The following PLCB4 variants were observed in gnomAD, a reference collection of about 807,000 sequenced individuals.
PLCB4 encodes 1-phosphatidylinositol 4,5-bisphosphate phosphodiesterase beta-4.
PLCB4 carries 77 observed loss-of-function variants against 178.8 expected under a neutral mutation model. The ratio of observed to expected loss-of-function variants is 0.43; its 90% CI spans 0.36 to 0.52. The LOEUF (loss-of-function observed/expected upper bound fraction) is 0.52, where lower values mean the gene tolerates loss of function less well. Among genes scored for constraint, PLCB4 ranks in the 20% least tolerant of loss-of-function variants. PLCB4 has a pLI of 0.00. For missense variants in PLCB4, 1,024 were observed against 1,453.4 expected, an observed-to-expected ratio of 0.70 and a Z score of 4.80; for synonymous variants, 496 against 490.8, an observed-to-expected ratio of 1.01 and a Z score of -0.14.
intron 2 of PLCB4, among the ~76,000 whole-genome samples, chr20:9,178,525 T>C (rs1040709577): frequency 6.6e-6 from 1 of 151,814 alleles, no homozygotes; most frequent in Non-Finnish European, 1.5e-5. Context: ...TATTCATAGA[T>C]GTATGGATTA....
intron 30 of PLCB4, among the ~76,000 whole-genome samples, chr20:9,437,539 A>C (rs1210221702): frequency 1.3e-5 from 2 of 152,226 alleles, no homozygotes; most frequent in African/African-American, 4.8e-5. Flanking sequence ...CACGTGTCTC[A>C]TATTCAGCCA....
Position 9,480,377 on chromosome 20 carries a change from G to A in PLCB4, c.*1368G>A, listed in dbSNP as rs2044802639. On this transcript the variant is annotated 3_prime_UTR_variant, in exon 40 of 40. Transcript: ENST00000378473. ...ATTGTTGTATATGCTTGTAAAAATT[G>A]ATTCTGTGTGTTCCTCTGAACAAAG... 6.6e-6 allele frequency: 1 copy of A among 152,592 alleles called. No individual in the cohort carries two copies. The highest frequency in any genetic ancestry group is 2.1e-4 in the South Asian group (1 of 4,826). 9.5% of individuals were successfully genotyped at this position (152,592 alleles called of 1,614,324 possible).
chr20:9,293,467 CAGAA>C (rs1292124822), intron 3 of PLCB4, among the ~76,000 whole-genome samples: 4 of 144,774 alleles, frequency 2.8e-5, no homozygotes, highest in African/African-American at 1.0e-4. Context: ...GAGACTCTGT[CAGAA>C]AGAGAGAAAG....
At chr20:9,128,357 C>T (rs1438061199) in intron 2 of PLCB4, among the ~76,000 whole-genome samples, 1 of 152,108 alleles carries the variant, frequency 6.6e-6, no homozygotes, top group African/African-American at 2.4e-5. Context: ...TATAAATTAC[C>T]CAACTTCAGG....
At chr20:9,233,500 A>T (rs1169072925) in intron 3 of PLCB4, among the ~76,000 whole-genome samples, 1 of 152,138 alleles carries the variant, frequency 6.6e-6, no homozygotes, top group Non-Finnish European at 1.5e-5. Context: ...AAGAAAATAA[A>T]AGGAAGTGGT....
chr20:9,232,670 C>A (rs894501406), intron 3 of PLCB4, among the ~76,000 whole-genome samples: 2 of 151,992 alleles, frequency 1.3e-5, no homozygotes, highest in African/African-American at 4.8e-5. Context: ...TGATGCAGTG[C>A]AAAGGACTAA....
At chr20:9,069,072 CCAA>C (rs2089424450), upstream of PLCB4, 2 of 152,932 alleles carry the variant, frequency 1.3e-5, no homozygotes, top group African/African-American at 4.8e-5. Context: ...AGCTGCACCG[CCAA>C]CAAGATCTCT....
intron 2 of PLCB4, among the ~76,000 whole-genome samples, chr20:9,149,164 A>G (rs1254109792): frequency 1.3e-5 from 2 of 152,114 alleles, no homozygotes; most frequent in Non-Finnish European, 2.9e-5. Context: ...CTCTAGGAAC[A>G]CATGTGTCTC....
intron 7 of PLCB4, among the ~76,000 whole-genome samples, chr20:9,347,623 C>T (rs1053182067): frequency 3.9e-5 from 6 of 152,140 alleles, no homozygotes; most frequent in Admixed American, 2.6e-4. Context: ...TTTTAATCCT[C>T]ATTTGTTAAA....
intron 36 of PLCB4, 119 bp downstream of exon 36, chr20:9,468,791 C>A: frequency 1.7e-6 from 1 of 584,812 alleles, no homozygotes; most frequent in Non-Finnish European, 3.1e-6. Context: ...TGGCTTTTGA[C>A]TAGGAATTCT....
intron 2 of PLCB4, among the ~76,000 whole-genome samples, chr20:9,172,157 T>C (rs1186723484): frequency 6.6e-6 from 1 of 152,190 alleles, no homozygotes; most frequent in Non-Finnish European, 1.5e-5. Context: ...TAATTTCATT[T>C]TGTAGAATGA....
At chr20:9,383,093 T>A (rs1363021244) in intron 13 of PLCB4, among the ~76,000 whole-genome samples, 1 of 152,156 alleles carries the variant, frequency 6.6e-6, no homozygotes, top group Admixed American at 6.5e-5. Context: ...AAGTTGCAAA[T>A]GCACACAGTG....
intron 3 of PLCB4, among the ~76,000 whole-genome samples, chr20:9,303,702 C>G (rs904532087): frequency 6.6e-6 from 1 of 152,058 alleles, no homozygotes; most frequent in Non-Finnish European, 1.5e-5. Flanking sequence ...AGTAAATACC[C>G]AGAAGTGGGA....
At chr20:9,148,432 G>C (rs952323255) in intron 2 of PLCB4, among the ~76,000 whole-genome samples, 1 of 152,102 alleles carries the variant, frequency 6.6e-6, no homozygotes, top group African/African-American at 2.4e-5. Context: ...AAGGGCAAAG[G>C]GTAAGGATAG....
chr20:9,076,943 C>T (rs992222508), intron 1 of PLCB4, among the ~76,000 whole-genome samples: 3 of 152,112 alleles, frequency 2.0e-5, no homozygotes, highest in Non-Finnish European at 4.4e-5. Context: ...TCCACCTACA[C>T]CCATTCCCAG....
At chr20:9,307,494 T>TATACACACACAC (rs1396442853) in intron 3 of PLCB4, among the ~76,000 whole-genome samples, 89 of 138,174 alleles carry the variant, frequency 6.4e-4, no homozygotes, top group African/African-American at 2.1e-3. Flanking sequence ...AAAAAAAGAA[T>TATACACACACAC]ACACACACAC....
At chr20:9,159,898 A>G (rs1238206780) in intron 2 of PLCB4, among the ~76,000 whole-genome samples, 1 of 152,194 alleles carries the variant, frequency 6.6e-6, no homozygotes. Context: ...AAATTATTAC[A>G]ATGGTCTTTT....
At chr20:9,164,072 C>T (rs891527145) in intron 2 of PLCB4, among the ~76,000 whole-genome samples, 1 of 152,116 alleles carries the variant, frequency 6.6e-6, no homozygotes, top group Non-Finnish European at 1.5e-5. Flanking sequence ...TAACTTTATT[C>T]CTTCTGTGGT....
intron 2 of PLCB4, among the ~76,000 whole-genome samples, chr20:9,158,307 C>A (rs2092824037): frequency 6.6e-6 from 1 of 151,762 alleles, no homozygotes; most frequent in African/African-American, 2.4e-5. Context: ...GCTCTGTTGC[C>A]CAAGCTGTAG....
Sources: allele counts gnomAD v4.1 joint callset (sites outside exome capture counted in the v4.1 genomes callset), GRCh38; gene constraint gnomAD v4.1.1; transcripts MANE v1.5; gene names NCBI Gene and HGNC (gene_info 2026-07-23, HGNC 2026-07-21).